Variants in PDLIM3 observed in about 807,000 individuals in gnomAD.
The protein encoded by PDLIM3 is PDZ and LIM domain 3, also known as PDZ and LIM domain protein 3.
Under a neutral mutation model 37.3 loss-of-function variants are expected in PDLIM3, and 36 were observed. That is an observed-to-expected ratio of 0.97 (90% CI 0.74 to 1.28). The LOEUF (loss-of-function observed/expected upper bound fraction) is 1.28. Ranked by LOEUF, PDLIM3 falls within the 50% of genes most tolerant of loss-of-function variation. The pLI is 0.00. For missense variants in PDLIM3, 454 were observed against 485.0 expected (o/e 0.94, Z 0.60); for synonymous variants, 174 against 182.4 (o/e 0.95, Z 0.37).
chr4:185,519,938 C>G (rs1034550379), intron 3 of PDLIM3, among the ~76,000 whole-genome samples: 16 of 152,252 alleles, frequency 1.1e-4, no homozygotes, highest in Admixed American at 8.5e-4. Flanking sequence ...CTAACTGACA[C>G]GTATTTGCTG....
At chr4:185,528,715 T>C (rs989201660) in intron 1 of PDLIM3, among the ~76,000 whole-genome samples, 1 of 152,196 alleles carries the variant, frequency 6.6e-6, no homozygotes, top group Non-Finnish European at 1.5e-5. Context: ...TCAACCTGGT[T>C]ATTGCTGTCC....
intron 1 of PDLIM3, among the ~76,000 whole-genome samples, chr4:185,534,179 A>G (rs1450695139): frequency 1.3e-5 from 2 of 152,236 alleles, no homozygotes; most frequent in African/African-American, 4.8e-5. Flanking sequence ...TCTGTAGGAT[A>G]CACATTTTGA....
intron 4 of PDLIM3, chr4:185,513,175 G>A (rs188469036): frequency 8.6e-5 from 85 of 985,066 alleles, no homozygotes; most frequent in Middle Eastern, 5.2e-4. Context: ...CACGTTCTAG[G>A]GGGGGGAAGA....
rs1458936823 is a variant in PDLIM3, at chr4:185,504,077, CTG to C, written c.905+396_905+397del. ...CATCCTGTTGCCTGTATTTGTTTCCCTGTGTTTATACAGAGGAGGATACTATG... is the reference window on the plus strand; with the variant it reads ...CATCCTGTTGCCTGTATTTGTTTCCCTGTTTATACAGAGGAGGATACTATG... On this transcript the variant is annotated intron_variant, in intron 7 of 7. Coordinates refer to ENST00000284767, the MANE Select transcript of PDLIM3 (RefSeq NM_014476.6). This position sits in a 1 kb window ranked among gnomAD's most constrained non-coding sequence, Gnocchi z 4.7. 6.6e-6 allele frequency among the ~76,000 whole-genome samples: 1 copy of C among 152,066 alleles called. No individual in the cohort carries two copies. Among genetic ancestry groups the C allele is most frequent in the African/African-American group, 2.4e-5 (1 of 41,388 alleles).
chr4:185,508,226 A>G, intron 5 of PDLIM3, 73 bp downstream of exon 5: 3 of 1,413,506 alleles, frequency 2.1e-6, no homozygotes, highest in Non-Finnish European at 3.0e-6. Context: ...GACAATGTTA[A>G]AAGACACCAG....
Position 185,502,139 on chromosome 4 carries a change from C to T in PDLIM3, c.*155G>A, listed in dbSNP as rs2095687991. 1 of 798,110 alleles carries T rather than the reference C, an allele frequency of 1.3e-6. No individual in the cohort carries two copies. The highest frequency in any genetic ancestry group is 1.7e-5 in the African/African-American group (1 of 58,392). 49.4% of individuals were successfully genotyped at this position (798,110 alleles called of 1,614,324 possible). ...ACATAGCAGGCATTTGCCTCCCATT[C>T]CTTTTCCTCAATAAACAATAGGATA... is the stretch of plus-strand genomic sequence containing the variant. On this transcript the variant is annotated 3_prime_UTR_variant, in exon 8 of 8. Transcript: ENST00000284767.
chr4:185,510,924 A>T (rs1406826636), intron 4 of PDLIM3, among the ~76,000 whole-genome samples: 1 of 152,250 alleles, frequency 6.6e-6, no homozygotes, highest in Admixed American at 6.5e-5. Context: ...CACTGTGGAT[A>T]TCACTGGGGA....
chr4:185,510,522 GACT>G, intron 4 of PDLIM3, among the ~76,000 whole-genome samples: 1 of 152,158 alleles, frequency 6.6e-6, no homozygotes, highest in Admixed American at 6.5e-5. Context: ...CACACAAATA[GACT>G]ACTACCTATG....
chr4:185,502,041 A>G lies in PDLIM3; in HGVS notation c.*253T>C, dbSNP rs2095687819. On this transcript the variant is annotated 3_prime_UTR_variant, in exon 8 of 8. Transcript: ENST00000284767. Reference sequence around the variant, plus strand: ...AATTGTGGAGTATGACATACAAAAAATTATTGCTTTAAATATCATTATTGC... The same window carrying G: ...AATTGTGGAGTATGACATACAAAAAGTTATTGCTTTAAATATCATTATTGC... 1 of 532,594 alleles carries G rather than the reference A, an allele frequency of 1.9e-6. No individual in the cohort carries two copies. Among genetic ancestry groups the G allele is most frequent in the Non-Finnish European group, 3.4e-6 (1 of 294,956 alleles). The allele number at this position is 532,594 out of a possible 1,614,324, so 33.0% of individuals were successfully genotyped here.
Position 185,502,230 on chromosome 4 carries a change from T to C in PDLIM3, c.*64A>G. 1 of 1,506,688 alleles carries C rather than the reference T, an allele frequency of 6.6e-7. No homozygotes were observed. The highest frequency in any genetic ancestry group is 9.2e-7 in the Non-Finnish European group (1 of 1,082,640). The allele number at this position is 1,506,688 out of a possible 1,614,324, so 93.3% of individuals were successfully genotyped here. A position where few individuals can be genotyped will look rare whatever the true frequency, so the allele number is the denominator to read the frequency against. On this transcript the variant is annotated 3_prime_UTR_variant, in exon 8 of 8. Transcript: ENST00000284767. ...TGCACAATCCTTCTGCCCAAAGCCA[T>C]GAATGTCTTCTCGTGTAAGTGCGCG...
rs2095730979 is a variant in PDLIM3 at position 185,525,150 on chromosome 4, C to T, written c.115G>A (p.Ala39Thr). The change falls in exon 2 of 8, where the codon GCA becomes ACA. Residue 39 changes from alanine (A) to threonine (T), a missense_variant. By Grantham distance (58) the Ala-to-Thr change is moderately conservative. Coordinates refer to ENST00000284767, the MANE Select transcript of PDLIM3 (RefSeq NM_014476.6). ...ITRITPGSKA[A>T]AANLCPGDVI... ...TCTCCAGGACACAGGTTGGCAGCTG[C>T]CGCCTTGCTTCCTGGTGTAATCTGG... 1 of 1,614,052 alleles carries T rather than the reference C, an allele frequency of 6.2e-7. No homozygotes were observed. The highest frequency in any genetic ancestry group is 1.3e-5 in the African/African-American group (1 of 74,938).
intron 1 of PDLIM3, among the ~76,000 whole-genome samples, chr4:185,533,746 A>C (rs1361473105): frequency 2.0e-5 from 3 of 152,202 alleles, no homozygotes; most frequent in African/African-American, 7.2e-5. Context: ...AACATTTATA[A>C]TGTCAACAAC....
At chr4:185,526,741 T>A (rs2095734855) in intron 1 of PDLIM3, among the ~76,000 whole-genome samples, 1 of 152,172 alleles carries the variant, frequency 6.6e-6, no homozygotes, top group Non-Finnish European at 1.5e-5. Flanking sequence ...TCTGATTTCC[T>A]TTTAGTTCCT....
intron 2 of PDLIM3, among the ~76,000 whole-genome samples, chr4:185,523,899 G>A (rs1397456638): frequency 6.6e-6 from 1 of 151,534 alleles, no homozygotes; most frequent in Admixed American, 6.6e-5. Flanking sequence ...ATTACAGGCG[G>A]GAGCCACCAC....
At position 185,501,033 on chromosome 4, in the gene PDLIM3, C is replaced by A. The variant is rs533529576; in HGVS notation, c.*1261G>T. The A allele has an allele frequency of 6.6e-6, 1 of 152,280 alleles. No individual in the cohort carries two copies. Among genetic ancestry groups the A allele is most frequent in the African/African-American group, 2.4e-5 (1 of 41,436 alleles). 9.4% of individuals were successfully genotyped at this position (152,280 alleles called of 1,614,324 possible). A position where few individuals can be genotyped will look rare whatever the true frequency, so the allele number is the denominator to read the frequency against. The stretch of plus-strand genomic sequence containing the variant: ...GGGGACAGTTTCAGAAGTTCCTGTA[C>A]GTCCCCAGTGGGGGACATGGAAAGT... On this transcript the variant is annotated 3_prime_UTR_variant, in exon 8 of 8. Coordinates refer to ENST00000284767, the MANE Select transcript of PDLIM3 (RefSeq NM_014476.6).
intron 4 of PDLIM3, among the ~76,000 whole-genome samples, chr4:185,511,717 G>A (rs566497073): frequency 6.6e-6 from 1 of 152,266 alleles, no homozygotes; most frequent in Non-Finnish European, 1.5e-5. Flanking sequence ...TAGTTACAGG[G>A]TGACTATAGT....
chr4:185,533,628 G>A (rs11132317), intron 1 of PDLIM3, among the ~76,000 whole-genome samples: 149,251 of 152,290 alleles, frequency 0.98, 73,156 homozygotes, highest in East Asian at 1. Context: ...TATGAGTTAG[G>A]AATTCCAGAT....
intron 4 of PDLIM3, among the ~76,000 whole-genome samples, chr4:185,510,645 ATATT>A (rs938372043): frequency 6.6e-6 from 1 of 152,118 alleles, no homozygotes; most frequent in Non-Finnish European, 1.5e-5. Context: ...TTTTTCCAAC[ATATT>A]TATTGGAAAA....
Position 185,521,502 on chromosome 4 carries a change from T to C in PDLIM3, c.330+1860A>G, listed in dbSNP as rs571382114. 9.2e-4 allele frequency among the ~76,000 whole-genome samples: 57 copies of C among 61,788 alleles called. 14 individuals are homozygous for C. Among genetic ancestry groups the C allele is most frequent in the African/African-American group, 1.6e-3 (55 of 34,700 alleles). 40.5% of individuals were successfully genotyped at this position (61,788 alleles called of 152,430 possible). On this transcript the variant is annotated intron_variant, in intron 3 of 7. Transcript: ENST00000284767. Reference sequence around the variant, plus strand: ...GCCTCGACATCCTGGGCTCAAGCACTCCTCCCACCTCAGCCTTCTGTGTAG... The same window carrying C: ...GCCTCGACATCCTGGGCTCAAGCACCCCTCCCACCTCAGCCTTCTGTGTAG...
Sources: allele counts gnomAD v4.1 joint callset (sites outside exome capture counted in the v4.1 genomes callset), GRCh38; gene constraint gnomAD v4.1.1; non-coding constraint Gnocchi (gnomAD v3.1); transcripts MANE v1.5; gene names NCBI Gene and HGNC (gene_info 2026-07-23, HGNC 2026-07-21).